Variants in ETFBKMT observed in about 807,000 individuals in gnomAD.
ETFBKMT encodes the protein electron transfer flavoprotein subunit beta lysine methyltransferase.
Under a neutral mutation model 18.3 loss-of-function variants are expected in ETFBKMT, and 13 were observed. The observed-to-expected ratio is 0.71, with a 90% CI of 0.46 to 1.13. ETFBKMT has a LOEUF of 1.13. ETFBKMT is among the 50% of genes most tolerant of loss of function. The pLI, the probability that ETFBKMT is intolerant of heterozygous loss-of-function variation, is 0.00. For missense variants in ETFBKMT, 293 were observed against 306.2 expected (o/e 0.96, Z 0.32); for synonymous variants, 84 against 107.9 (o/e 0.78, Z 1.37).
At position 31,667,939 on chromosome 12, in the gene ETFBKMT, G is replaced by T; in HGVS notation, c.738G>T (p.Arg246Ser). Reference protein sequence around the residue: ...VVEYSLLESTRQENSGLTTST... With the variant: ...VVEYSLLESTSQENSGLTTST... The stretch of plus-strand genomic sequence containing the variant: ...AATATTCACTTTTGGAGTCTACTAG[G>T]CAGGAAAACAGTGGACTGACAACAA... The change falls in exon 4 of 4, where the codon AGG becomes AGT. Residue 246 changes from arginine to serine, a missense_variant. Coordinates refer to ENST00000357721, the MANE Select transcript of ETFBKMT (RefSeq NM_001135863.2). 1 of 1,614,158 alleles carries T rather than the reference G, an allele frequency of 6.2e-7. No individual in the cohort carries two copies.
intron 1 of ETFBKMT, among the ~76,000 whole-genome samples, chr12:31,651,467 T>G (rs998285659): frequency 4.0e-5 from 6 of 151,848 alleles, no homozygotes; most frequent in Non-Finnish European, 7.4e-5. Flanking sequence ...ATAGCAGGGA[T>G]TACAGGTGCG....
At chr12:31,659,990 A>G (rs1191256626) in intron 1 of ETFBKMT, 1 of 11,842 alleles carries the variant, frequency 8.4e-5, no homozygotes, top group East Asian at 1.9e-3. Context: ...CTCTACTAAA[A>G]AAAAAAAAAA....
In ETFBKMT at chr12:31,661,911, A is replaced by G. The variant is rs1343376596; in HGVS notation, c.-43A>G. 6.3e-7 allele frequency: 1 copy of G among 1,578,806 alleles called. No individual in the cohort carries two copies. Among genetic ancestry groups the G allele is most frequent in the South Asian group, 1.1e-5 (1 of 88,538 alleles). ...TCATTCTCCTTGAGAAGCAGCTATT[A>G]TCAACAGAACATTGACAGAACCTGT... On this transcript the variant is annotated 5_prime_UTR_variant, in exon 2 of 4. Coordinates refer to ENST00000357721, the MANE Select transcript of ETFBKMT (RefSeq NM_001135863.2).
intron 1 of ETFBKMT, among the ~76,000 whole-genome samples, chr12:31,650,364 G>A (rs115471248): frequency 0.019 from 2,844 of 152,186 alleles, 94 homozygotes; most frequent in African/African-American, 0.065. Context: ...TCAAAGGGGA[G>A]GCATAAATAA....
chr12:31,650,841 G>A (rs1039264785), intron 1 of ETFBKMT, among the ~76,000 whole-genome samples: 1 of 152,144 alleles, frequency 6.6e-6, no homozygotes, highest in African/African-American at 2.4e-5. Flanking sequence ...CTGTTTCACA[G>A]TGGACAGGGT....
upstream of ETFBKMT, among the ~76,000 whole-genome samples, chr12:31,654,582 C>A (rs1310019756): frequency 1.3e-5 from 2 of 152,072 alleles, no homozygotes; most frequent in African/African-American, 4.8e-5. Flanking sequence ...CAATGAAACA[C>A]TACTTAGCAA....
chr12:31,652,040 G>C (rs568397155), intron 1 of ETFBKMT, among the ~76,000 whole-genome samples: 1 of 152,104 alleles, frequency 6.6e-6, no homozygotes, highest in Non-Finnish European at 1.5e-5. Context: ...TGATCAACTA[G>C]AAAGTCTATT....
At chr12:31,649,098 CCCA>C (rs1325209003) in intron 1 of ETFBKMT, among the ~76,000 whole-genome samples, 5 of 152,156 alleles carry the variant, frequency 3.3e-5, no homozygotes, top group African/African-American at 1.2e-4. Context: ...ATTACAGGCG[CCCA>C]CCACCATGCC....
intron 3 of ETFBKMT, among the ~76,000 whole-genome samples, chr12:31,666,863 TATTC>T (rs1365851423): frequency 1.3e-5 from 2 of 151,834 alleles, no homozygotes; most frequent in East Asian, 3.9e-4. Context: ...TTCACCGTGT[TATTC>T]AGGATGGTCT....
In ETFBKMT at chr12:31,668,194, C is replaced by CTCTA; in HGVS notation, c.*208_*211dup. Reference sequence around the variant, plus strand: ...TTCTATGCATGCCAATTATACACATCTCTATCTGCATTTTTTTTTCTATTT... The same window carrying CTCTA: ...TTCTATGCATGCCAATTATACACATCTCTATCTATCTGCATTTTTTTTTCTATTT... On this transcript the variant is annotated 3_prime_UTR_variant, in exon 4 of 4. Coordinates refer to ENST00000357721, the MANE Select transcript of ETFBKMT (RefSeq NM_001135863.2). 2.0e-6 allele frequency: 1 copy of CTCTA among 501,244 alleles called. No homozygotes were observed. The highest frequency in any genetic ancestry group is 3.5e-6 in the Non-Finnish European group (1 of 286,824). 31.0% of individuals were successfully genotyped at this position (501,244 alleles called of 1,614,324 possible).
In ETFBKMT at chr12:31,666,126, T is replaced by C. The variant is rs1301696412; in HGVS notation, c.354T>C (p.Ser118=). The C allele has an allele frequency of 6.2e-7, 1 of 1,613,850 alleles. No homozygotes were observed. The highest frequency in any genetic ancestry group is 2.2e-5 in the East Asian group (1 of 44,884). ...ATCCTGATGTTGTCAGAGGAAAATC[T>C]GTATTAGATCTTGGGAGTGGATGTG... ...LDNPDVVRGK[S]VLDLGSGCGA... The change falls in exon 3 of 4, where the codon TCT becomes TCC. Residue 118 remains serine, a synonymous_variant. Transcript: ENST00000357721.
rs755001740 is a variant in ETFBKMT at position 31,672,380 on chromosome 12, A to G, written c.*4390A>G. ...CTCCAACACTTCTCGGGAATGATCT[A>G]TAAAAGAAAACAATGACAATATATT... On this transcript the variant is annotated 3_prime_UTR_variant, in exon 4 of 4. Coordinates refer to ENST00000357721, the MANE Select transcript of ETFBKMT (RefSeq NM_001135863.2). 10 of 1,559,710 alleles carry G rather than the reference A, an allele frequency of 6.4e-6. No homozygotes were observed. The highest frequency in any genetic ancestry group is 3.7e-5 in the Admixed American group (2 of 53,562).
upstream of ETFBKMT, among the ~76,000 whole-genome samples, chr12:31,658,768 T>C (rs1231510228): frequency 6.6e-6 from 1 of 152,142 alleles, no homozygotes; most frequent in East Asian, 1.9e-4. Flanking sequence ...CAGTGGGATG[T>C]GGGTCCAGTT....
chr12:31,660,208 A>G (rs1951105205), intron 1 of ETFBKMT: 1 of 150,358 alleles, frequency 6.7e-6, no homozygotes, highest in Admixed American at 6.6e-5. Context: ...TAATGTGTCA[A>G]TATCTAGATT....
At chr12:31,652,130 G>A (rs1483133513) in intron 1 of ETFBKMT, among the ~76,000 whole-genome samples, 1 of 152,160 alleles carries the variant, frequency 6.6e-6, no homozygotes. Context: ...ACCAATCTAT[G>A]AGCCCTATGT....
At chr12:31,662,635 T>G in intron 2 of ETFBKMT, among the ~76,000 whole-genome samples, 1 of 151,930 alleles carries the variant, frequency 6.6e-6, no homozygotes, top group South Asian at 2.1e-4. Flanking sequence ...AGCCTCAGGT[T>G]AGCCATATTT....
Position 31,668,335 on chromosome 12 carries a change from A to G in ETFBKMT, c.*345A>G, listed in dbSNP as rs544123264. On this transcript the variant is annotated 3_prime_UTR_variant, in exon 4 of 4. Coordinates refer to ENST00000357721, the MANE Select transcript of ETFBKMT (RefSeq NM_001135863.2). Reference sequence around the variant, plus strand: ...GGATCTGTTTCTGTAGTCGAGGACAACTGTGATGTAACTTTGAATTAAACA... The same window carrying G: ...GGATCTGTTTCTGTAGTCGAGGACAGCTGTGATGTAACTTTGAATTAAACA... 47 of 181,498 alleles carry G rather than the reference A, an allele frequency of 2.6e-4. 1 individual carries two copies. In the South Asian group the frequency reaches 7.4e-3, roughly 29 times the overall value. 11.2% of individuals were successfully genotyped at this position (181,498 alleles called of 1,614,324 possible).
At chr12:31,664,467 T>C (rs1951168072) in intron 2 of ETFBKMT, among the ~76,000 whole-genome samples, 1 of 152,278 alleles carries the variant, frequency 6.6e-6, no homozygotes, top group Non-Finnish European at 1.5e-5. Flanking sequence ...TTCAATACTT[T>C]GTCAGCCGAA....
At chr12:31,666,525 G>A (rs1383074306) in intron 3 of ETFBKMT, among the ~76,000 whole-genome samples, 1 of 152,156 alleles carries the variant, frequency 6.6e-6, no homozygotes, top group Admixed American at 6.5e-5. Flanking sequence ...GTATTGACCT[G>A]TCTTTGAGGG....
Sources: gnomAD v4.1 joint callset for allele counts (sites outside exome capture counted in the v4.1 genomes callset) on GRCh38, gnomAD v4.1.1 for gene constraint, MANE v1.5 for transcripts, NCBI Gene and HGNC (gene_info 2026-07-23, HGNC 2026-07-21) for gene names.